Variants in CDH4 observed in about 807,000 individuals in gnomAD.
CDH4 encodes the protein cadherin 4.
Under a neutral mutation model 86.0 loss-of-function variants are expected in CDH4, and 33 were observed. The observed-to-expected ratio is 0.38, with a 90% CI of 0.29 to 0.51. CDH4 has a LOEUF of 0.51. CDH4 is among the 20% of genes least tolerant of loss of function. The probability of loss-of-function intolerance (pLI) is 0.86; values close to 1 mark genes in which losing one functional copy is unlikely to be tolerated. For missense variants in CDH4, 1,114 were observed against 1,307.4 expected (o/e 0.85, Z 2.28); for synonymous variants, 555 against 549.4 (o/e 1.01, Z -0.14).
intron 2 of CDH4, among the ~76,000 whole-genome samples, chr20:61,366,356 C>T (rs898128563): frequency 7.2e-5 from 11 of 152,102 alleles, no homozygotes; most frequent in African/African-American, 2.4e-4. Flanking sequence ...AAACATAAGG[C>T]GGGAGGCTGG....
intron 2 of CDH4, among the ~76,000 whole-genome samples, chr20:61,391,299 T>G (rs953539425): frequency 1.3e-5 from 2 of 152,088 alleles, no homozygotes; most frequent in Non-Finnish European, 2.9e-5. Flanking sequence ...CTGGAAGCCG[T>G]CGGGGCTGGG....
chr20:61,825,842 G>C (rs568883642), intron 4 of CDH4, among the ~76,000 whole-genome samples: 134 of 152,342 alleles, frequency 8.8e-4, no homozygotes, highest in African/African-American at 3.1e-3. Context: ...CTTCCCCAAA[G>C]TTAATGGCAG....
intron 2 of CDH4, among the ~76,000 whole-genome samples, chr20:61,367,867 CTTTT>C (rs372521090): frequency 3.4e-5 from 4 of 119,076 alleles, no homozygotes; most frequent in Admixed American, 9.1e-5. Flanking sequence ...TCTCCAGGAT[CTTTT>C]TTTTTTTTTT....
At chr20:61,503,991 T>C (rs1047958836) in intron 2 of CDH4, among the ~76,000 whole-genome samples, 2 of 152,202 alleles carry the variant, frequency 1.3e-5, no homozygotes, top group Non-Finnish European at 2.9e-5. Flanking sequence ...TGGTTTTCTA[T>C]AGGGGCCAGA....
At chr20:61,504,295 A>T (rs1190722402) in intron 2 of CDH4, among the ~76,000 whole-genome samples, 2 of 152,210 alleles carry the variant, frequency 1.3e-5, no homozygotes, top group Non-Finnish European at 2.9e-5. Context: ...CCTGAAATTC[A>T]GGAGGTTCCT....
At chr20:61,390,201 A>C (rs1467746417) in intron 2 of CDH4, among the ~76,000 whole-genome samples, 1 of 140,442 alleles carries the variant, frequency 7.1e-6, no homozygotes, top group Non-Finnish European at 1.5e-5. Context: ...CCCGATTGAG[A>C]TCGTGCGGTC....
chr20:61,828,438 T>C (rs1198423919), intron 4 of CDH4, among the ~76,000 whole-genome samples: 1 of 152,186 alleles, frequency 6.6e-6, no homozygotes, highest in Non-Finnish European at 1.5e-5. Context: ...CTGGGGAAAC[T>C]GTAGGACCAA....
chr20:61,897,323 A>G (rs1423126175), intron 8 of CDH4, among the ~76,000 whole-genome samples: 1 of 151,352 alleles, frequency 6.6e-6, no homozygotes, highest in Non-Finnish European at 1.5e-5. Context: ...CCTACCCCTC[A>G]TCTCTGGTCC....
intron 2 of CDH4, among the ~76,000 whole-genome samples, chr20:61,694,202 C>T (rs912403756): frequency 6.6e-6 from 1 of 152,108 alleles, no homozygotes; most frequent in African/African-American, 2.4e-5. Flanking sequence ...ATAAAGGCAC[C>T]GTTTCCTAAA....
chr20:61,722,966 G>C (rs2088059756), intron 2 of CDH4, among the ~76,000 whole-genome samples: 1 of 152,198 alleles, frequency 6.6e-6, no homozygotes, highest in African/African-American at 2.4e-5. Context: ...ATTTGGATCA[G>C]GAACGGCCAC....
At chr20:61,509,132 G>A (rs973997231) in intron 2 of CDH4, among the ~76,000 whole-genome samples, 7 of 152,240 alleles carry the variant, frequency 4.6e-5, no homozygotes, top group South Asian at 2.1e-4. Flanking sequence ...CACAAAGGCC[G>A]TGGCATCCTG....
chr20:61,809,116 C>T (rs6061836), intron 4 of CDH4, among the ~76,000 whole-genome samples: 1,557 of 152,340 alleles, frequency 0.01, 22 homozygotes, highest in African/African-American at 0.032. Context: ...TCCTCTGGAC[C>T]CAGACCTTTG....
chr20:61,296,129 C>T (rs1438357445), intron 2 of CDH4, among the ~76,000 whole-genome samples: 1 of 152,080 alleles, frequency 6.6e-6, no homozygotes, highest in Non-Finnish European at 1.5e-5. Context: ...ATGATCCACA[C>T]CACATCAAGG....
chr20:61,863,087 A>C (rs933691526), intron 6 of CDH4, among the ~76,000 whole-genome samples: 6 of 152,352 alleles, frequency 3.9e-5, no homozygotes, highest in Middle Eastern at 3.4e-3. Context: ...TATGGGGCTG[A>C]ATTAGTTTTC....
intron 2 of CDH4, among the ~76,000 whole-genome samples, chr20:61,301,675 A>G (rs1256624760): frequency 6.6e-6 from 1 of 152,258 alleles, no homozygotes; most frequent in East Asian, 1.9e-4. Context: ...TAATATTATT[A>G]AAATTACTAT....
At chr20:61,330,027 T>C (rs1036671624) in intron 2 of CDH4, among the ~76,000 whole-genome samples, 1 of 152,190 alleles carries the variant, frequency 6.6e-6, no homozygotes, top group African/African-American at 2.4e-5. Context: ...TTGTTCCTTT[T>C]TATGGCTGCA....
At chr20:61,850,706 C>T (rs546550544) in intron 5 of CDH4, among the ~76,000 whole-genome samples, 2 of 152,376 alleles carry the variant, frequency 1.3e-5, no homozygotes, top group East Asian at 1.9e-4. Flanking sequence ...GGTTGCAGAA[C>T]GCTCGGAGGA....
chr20:61,461,748 G>A (rs886769342), intron 2 of CDH4, among the ~76,000 whole-genome samples: 2 of 152,208 alleles, frequency 1.3e-5, no homozygotes, highest in African/African-American at 4.8e-5. Context: ...ACCTGGAATT[G>A]TCCCCAACGG....
At chr20:61,893,812 A>G (rs1180038465) in intron 7 of CDH4, among the ~76,000 whole-genome samples, 9 of 101,540 alleles carry the variant, frequency 8.9e-5, no homozygotes, top group East Asian at 3.4e-4. Context: ...GGATGGGTGA[A>G]TAGAGGGATG....
Sources: gnomAD v4.1 joint callset for allele counts (sites outside exome capture counted in the v4.1 genomes callset) on GRCh38, gnomAD v4.1.1 for gene constraint, MANE v1.5 for transcripts, NCBI Gene and HGNC (gene_info 2026-07-23, HGNC 2026-07-21) for gene names.